The following SLC35A1 variants were observed in gnomAD, a reference collection of about 807,000 sequenced individuals.
SLC35A1 encodes CMP-sialic acid transporter.
SLC35A1 carries 21 observed loss-of-function variants against 40.3 expected under a neutral mutation model. The ratio of observed to expected loss-of-function variants is 0.52; its 90% CI spans 0.37 to 0.75. The LOEUF (loss-of-function observed/expected upper bound fraction) is 0.75. Among genes scored for constraint, SLC35A1 ranks in the 30% least tolerant of loss-of-function variants. The pLI, the probability that SLC35A1 is intolerant of heterozygous loss-of-function variation, is 0.00. For synonymous variants in SLC35A1, 146 were observed against 147.3 expected, an observed-to-expected ratio of 0.99 and a Z score of 0.06; for missense variants, 297 against 382.1, an observed-to-expected ratio of 0.78 and a Z score of 1.86.
At chr6:87,510,219 G>GT (rs1294623065) in intron 7 of SLC35A1, among the ~76,000 whole-genome samples, 2 of 152,318 alleles carry the variant, frequency 1.3e-5, no homozygotes, top group East Asian at 3.9e-4. Flanking sequence ...TACCATTTCA[G>GT]TATCAGGTAC....
chr6:87,474,409 G>A (rs1408405664), intron 1 of SLC35A1, among the ~76,000 whole-genome samples: 1 of 152,158 alleles, frequency 6.6e-6, no homozygotes, highest in African/African-American at 2.4e-5. Flanking sequence ...TTCTTTTGGG[G>A]GACATTTCCA....
intron 2 of SLC35A1, among the ~76,000 whole-genome samples, chr6:87,500,058 C>T (rs1413338216): frequency 2.6e-5 from 4 of 152,028 alleles, no homozygotes; most frequent in African/African-American, 4.8e-5. Flanking sequence ...GCTGAGATAG[C>T]GCCACTGCAC....
intron 4 of SLC35A1, among the ~76,000 whole-genome samples, chr6:87,506,026 A>G (rs756565593): frequency 6.6e-6 from 1 of 152,104 alleles, no homozygotes; most frequent in African/African-American, 2.4e-5. Context: ...GATTGATGCT[A>G]TAAGCTCTTA....
At chr6:87,505,617 G>C (rs1770056092) in intron 4 of SLC35A1, among the ~76,000 whole-genome samples, 1 of 152,182 alleles carries the variant, frequency 6.6e-6, no homozygotes, top group Non-Finnish European at 1.5e-5. Flanking sequence ...GGGAAGTCCA[G>C]AACACGGTGC....
At chr6:87,508,636 ATTTTT>A (rs570166119) in intron 6 of SLC35A1, 40 bp downstream of exon 6, 2 of 1,441,692 alleles carry the variant, frequency 1.4e-6, no homozygotes, top group Non-Finnish European at 1.9e-6. Context: ...TAGATCCTTT[ATTTTT>A]TTTTTAAGTT....
intron 7 of SLC35A1, 44 bp from the exon 8 acceptor site, chr6:87,511,355 A>G: frequency 1.2e-6 from 2 of 1,608,212 alleles, no homozygotes; most frequent in South Asian, 1.1e-5. Context: ...TAGGCATTTT[A>G]AAGACACACA....
At chr6:87,506,342 T>C in intron 4 of SLC35A1, 40 bp from the exon 5 acceptor site, 1 of 1,500,018 alleles carries the variant, frequency 6.7e-7, no homozygotes, top group Middle Eastern at 1.7e-4. Context: ...GAACTCTGTT[T>C]ATTAGTCACT....
chr6:87,483,701 C>T (rs1366408542), intron 2 of SLC35A1, among the ~76,000 whole-genome samples: 3 of 151,902 alleles, frequency 2.0e-5, no homozygotes, highest in African/African-American at 4.8e-5. Flanking sequence ...TTGCCTGCTC[C>T]GGAAGCCTCA....
At chr6:87,510,681 C>T (rs1210471401) in intron 7 of SLC35A1, among the ~76,000 whole-genome samples, 1 of 151,934 alleles carries the variant, frequency 6.6e-6, no homozygotes, top group Admixed American at 6.6e-5. Context: ...TGGGGACCAG[C>T]CTGACCAACG....
intron 2 of SLC35A1, among the ~76,000 whole-genome samples, chr6:87,493,462 T>TTG (rs71018022): frequency 0.083 from 12,494 of 150,488 alleles, 769 homozygotes; most frequent in African/African-American, 0.17. Flanking sequence ...CTAAATCTAG[T>TTG]TGTGTGTGTG....
intron 1 of SLC35A1, among the ~76,000 whole-genome samples, chr6:87,474,153 T>C (rs368467568): frequency 6.6e-5 from 10 of 152,240 alleles, no homozygotes; most frequent in African/African-American, 2.2e-4. Flanking sequence ...CGAAAACTTA[T>C]AAATTACAGA....
chr6:87,498,613 A>T (rs1329804975), intron 2 of SLC35A1, among the ~76,000 whole-genome samples: 2 of 152,256 alleles, frequency 1.3e-5, no homozygotes, highest in Non-Finnish European at 1.5e-5. Flanking sequence ...TCTACCAAAA[A>T]TACAAAAATA....
Position 87,500,500 on chromosome 6 carries a change from T to C in SLC35A1, c.195-8T>C. ...CCACCCTCTCATCTCCCCCTTTTGT[T>C]TTCAAAGAGAAACTGGTAGTCTGGG... On this transcript the variant is annotated splice_region_variant and splice_polypyrimidine_tract_variant and intron_variant, in intron 2 of 7. Transcript: ENST00000369552. 1.2e-6 allele frequency: 2 copies of C among 1,614,036 alleles called. No individual in the cohort carries two copies. The highest frequency in any genetic ancestry group is 1.3e-5 in the African/African-American group (1 of 75,034).
intron 6 of SLC35A1, 51 bp from the exon 7 acceptor site, chr6:87,508,990 T>A (rs1344493454): frequency 2.5e-6 from 4 of 1,597,984 alleles, no homozygotes; most frequent in Non-Finnish European, 3.4e-6. Context: ...CACCATTATG[T>A]AATGTTTCAT....
chr6:87,473,603 A>G (rs2127960948), intron 1 of SLC35A1, among the ~76,000 whole-genome samples: 1 of 105,252 alleles, frequency 9.5e-6, no homozygotes, highest in Non-Finnish European at 2.0e-5. Flanking sequence ...GTGTAATTAT[A>G]GAGAATGCTG....
intron 2 of SLC35A1, among the ~76,000 whole-genome samples, chr6:87,480,624 A>C (rs1769217991): frequency 6.6e-6 from 1 of 152,188 alleles, no homozygotes; most frequent in Non-Finnish European, 1.5e-5. Context: ...CAGGGAGAAC[A>C]AAGCGCATCT....
At chr6:87,477,635 T>C in intron 2 of SLC35A1, 96 bp downstream of exon 2, 2 of 1,075,118 alleles carry the variant, frequency 1.9e-6, no homozygotes, top group Non-Finnish European at 2.8e-6. Context: ...GTTTAATTGC[T>C]CTGGGTCAGT....
intron 2 of SLC35A1, among the ~76,000 whole-genome samples, chr6:87,498,405 ATC>A (rs1045115997): frequency 5.9e-5 from 9 of 152,118 alleles, no homozygotes; most frequent in African/African-American, 1.9e-4. Context: ...TTACATTTTA[ATC>A]TCTTTTTCTC....
intron 1 of SLC35A1, among the ~76,000 whole-genome samples, chr6:87,475,581 G>T (rs116033466): frequency 2.8e-3 from 432 of 152,220 alleles, no homozygotes; most frequent in African/African-American, 9.9e-3. Context: ...AACCTGATAT[G>T]GTTTTTAAAA....
Sources: allele counts gnomAD v4.1 joint callset (sites outside exome capture counted in the v4.1 genomes callset), GRCh38; gene constraint gnomAD v4.1.1; transcripts MANE v1.5; gene names NCBI Gene and HGNC (gene_info 2026-07-23, HGNC 2026-07-21).